ZNHIT6: variants seen among roughly 807,000 people sequenced by gnomAD.
ZNHIT6 encodes the protein box C/D snoRNA protein 1.
A neutral mutation model predicts 57.2 loss-of-function variants in ZNHIT6; 45 were observed. That is an observed-to-expected ratio of 0.79 (90% CI 0.62 to 1.01). The LOEUF (loss-of-function observed/expected upper bound fraction) is 1.01, where lower values mean the gene tolerates loss of function less well. Among genes scored for constraint, ZNHIT6 ranks in the 50% least tolerant of loss-of-function variants. The probability of loss-of-function intolerance (pLI) is 0.00; values close to 1 mark genes in which losing one functional copy is unlikely to be tolerated. For missense variants in ZNHIT6, 528 were observed against 567.3 expected (o/e 0.93, Z 0.70); for synonymous variants, 188 against 190.0 (o/e 0.99, Z 0.09).
chr1:85,686,542 T>G (rs1662042691), intron 5 of ZNHIT6, among the ~76,000 whole-genome samples: 1 of 152,132 alleles, frequency 6.6e-6, no homozygotes, highest in Non-Finnish European at 1.5e-5. Flanking sequence ...GTTCTTTTTT[T>G]TTTAATCACC....
intron 8 of ZNHIT6, 51 bp from the exon 9 acceptor site, chr1:85,658,022 A>C: frequency 1.6e-6 from 2 of 1,236,534 alleles, no homozygotes; most frequent in South Asian, 1.5e-5. Context: ...AATATTCAAA[A>C]TTACTAATAG....
Position 85,708,290 on chromosome 1 carries a change from C to T in ZNHIT6, c.-6G>A. On this transcript the variant is annotated 5_prime_UTR_variant, in exon 1 of 10. Coordinates refer to ENST00000370574, the MANE Select transcript of ZNHIT6 (RefSeq NM_017953.4). ...TTTTCAGCAGCAAACTCCATCAACT[C>T]ACGATCCTTGGCCTCTGCTGCCACT... 1 of 1,590,990 alleles carries T rather than the reference C, an allele frequency of 6.3e-7. No individual in the cohort carries two copies.
chr1:85,697,347 T>C (rs1169397997), intron 5 of ZNHIT6, among the ~76,000 whole-genome samples: 1 of 114,112 alleles, frequency 8.8e-6, no homozygotes, highest in African/African-American at 3.1e-5. Flanking sequence ...GGCTTCTGGA[T>C]GGGATGTTTC....
chr1:85,704,524 T>G (rs1662625153), intron 4 of ZNHIT6, among the ~76,000 whole-genome samples: 2 of 152,170 alleles, frequency 1.3e-5, no homozygotes, highest in South Asian at 4.1e-4. Flanking sequence ...GGGTGGTAGT[T>G]AAATGAATAT....
intron 5 of ZNHIT6, among the ~76,000 whole-genome samples, chr1:85,684,681 G>A (rs1445883552): frequency 6.6e-6 from 1 of 152,152 alleles, no homozygotes; most frequent in African/African-American, 2.4e-5. Context: ...AAACTGTTAA[G>A]GATCAGTCTC....
In ZNHIT6 at chr1:85,705,358, G is replaced by A. The variant is rs144054890; in HGVS notation, c.915+720C>T. On this transcript the variant is annotated intron_variant, in intron 4 of 9. Coordinates refer to ENST00000370574, the MANE Select transcript of ZNHIT6 (RefSeq NM_017953.4). ...GCTTCTCAAGTTGCTGGGAGTACAGGGGCACGCCACCACGCCTGGCTAATT... is the reference window on the plus strand; with the variant it reads ...GCTTCTCAAGTTGCTGGGAGTACAGAGGCACGCCACCACGCCTGGCTAATT... 9.3e-3 allele frequency among the ~76,000 whole-genome samples: 1,422 copies of A among 152,118 alleles called. 58 individuals carry two copies. The highest frequency in any genetic ancestry group is 0.063 in the Admixed American group (955 of 15,264).
At chr1:85,675,926 C>G (rs1424076550) in intron 8 of ZNHIT6, among the ~76,000 whole-genome samples, 1 of 152,170 alleles carries the variant, frequency 6.6e-6, no homozygotes, top group Non-Finnish European at 1.5e-5. Flanking sequence ...CCTCTCTCAG[C>G]CTTCATAGAG....
chr1:85,708,137 C>T lies in ZNHIT6; in HGVS notation c.148G>A (p.Gly50Arg). 6.2e-7 allele frequency: 1 copy of T among 1,614,182 alleles called. No individual in the cohort carries two copies. Among genetic ancestry groups the T allele is most frequent in the Non-Finnish European group, 8.5e-7 (1 of 1,180,036 alleles). ...EEFGGGEEGTGLTGIKEIGDG... is the reference protein window; with the variant it reads ...EEFGGGEEGTRLTGIKEIGDG... ...CCTATCTCCTTTATCCCTGTCAGCC[C>T]TGTCCCCTCCTCTCCGCCGCCGAAC... The change falls in exon 1 of 10, where the codon GGG becomes AGG. Residue 50 changes from glycine to arginine, a missense_variant. By Grantham distance (125) the Gly-to-Arg change is moderately radical. Transcript: ENST00000370574.
At position 85,707,920 on chromosome 1, in the gene ZNHIT6, T is replaced by C; in HGVS notation, c.365A>G (p.Asp122Gly). The C allele has an allele frequency of 6.2e-7, 1 of 1,613,834 alleles. No homozygotes were observed. Among genetic ancestry groups the C allele is most frequent in the Non-Finnish European group, 8.5e-7 (1 of 1,179,918 alleles). ...CGCTTCTTTTACCACTAAACTACTA[T>C]CCGTCTCCTGCTTCACCTCCAATAC... Reference protein sequence around the residue: ...AGVLEVKQETDSSLVVKEAKV... With the variant: ...AGVLEVKQETGSSLVVKEAKV... The change falls in exon 1 of 10, where the codon GAT becomes GGT. Residue 122 changes from aspartate to glycine, a missense_variant. By Grantham distance (94) the Asp-to-Gly change is moderately conservative. Coordinates refer to ENST00000370574, the MANE Select transcript of ZNHIT6 (RefSeq NM_017953.4).
At chr1:85,665,868 T>G (rs995001422) in intron 8 of ZNHIT6, among the ~76,000 whole-genome samples, 1 of 152,204 alleles carries the variant, frequency 6.6e-6, no homozygotes, top group South Asian at 2.1e-4. Context: ...TAGAATGGTA[T>G]TATTTTAGAG....
chr1:85,691,678 C>T (rs1570321863), intron 5 of ZNHIT6, among the ~76,000 whole-genome samples: 2 of 152,220 alleles, frequency 1.3e-5, no homozygotes, highest in African/African-American at 4.8e-5. Flanking sequence ...AGGCGGATCA[C>T]CTGAGGCCAG....
intron 5 of ZNHIT6, among the ~76,000 whole-genome samples, chr1:85,683,749 T>C (rs1055550228): frequency 5.3e-5 from 8 of 152,176 alleles, no homozygotes; most frequent in Non-Finnish European, 1.2e-4. Flanking sequence ...TGGATTACTT[T>C]CTAAAGCTAG....
At chr1:85,698,870 A>T (rs965475653) in intron 5 of ZNHIT6, among the ~76,000 whole-genome samples, 5 of 152,150 alleles carry the variant, frequency 3.3e-5, no homozygotes, top group African/African-American at 1.2e-4. Context: ...TGGAATATAC[A>T]GTAAATGTGG....
intron 8 of ZNHIT6, among the ~76,000 whole-genome samples, chr1:85,665,573 T>C (rs1661349357): frequency 6.6e-6 from 1 of 152,216 alleles, no homozygotes; most frequent in Non-Finnish European, 1.5e-5. Context: ...ATTTCAAGTA[T>C]ACAATACAGT....
At position 85,663,876 on chromosome 1, in the gene ZNHIT6, T is replaced by A. The variant is rs576758842; in HGVS notation, c.1248-5905A>T. Among the ~76,000 whole-genome samples the A allele has an allele frequency of 1.4e-3, 206 of 152,266 alleles. 1 individual carries two copies. Among genetic ancestry groups the A allele is most frequent in the African/African-American group, 4.8e-3 (198 of 41,570 alleles). ...CAATGTTGAATATAGGCCCCCAAACTCTCTGGCTTGTAAAGAGTTTCTGCT... is the reference window on the plus strand; with the variant it reads ...CAATGTTGAATATAGGCCCCCAAACACTCTGGCTTGTAAAGAGTTTCTGCT... On this transcript the variant is annotated intron_variant, in intron 8 of 9. Coordinates refer to ENST00000370574, the MANE Select transcript of ZNHIT6 (RefSeq NM_017953.4).
At position 85,657,912 on chromosome 1, in the gene ZNHIT6, ATG is replaced by A; in HGVS notation, c.1305_1306del (p.Ile436Ter). 1 of 1,601,244 alleles carries A rather than the reference ATG, an allele frequency of 6.2e-7. No individual in the cohort carries two copies. Among genetic ancestry groups the A allele is most frequent in the Non-Finnish European group, 8.5e-7 (1 of 1,170,848 alleles). Reference sequence around the variant, plus strand: ...TACCACATGTAATGTTGGATACTCAATGATCACTTTGTTCCTCAAATTGTCTA... The same window carrying A: ...TACCACATGTAATGTTGGATACTCAAATCACTTTGTTCCTCAAATTGTCTA... On this transcript the variant is annotated frameshift_variant, in exon 9 of 10. Transcript: ENST00000370574. LOFTEE classifies it high-confidence loss of function.
intron 5 of ZNHIT6, among the ~76,000 whole-genome samples, chr1:85,687,299 C>CAAAAAAAAAAAAAAAAAAAAAAAAAAAAA (rs55889012): frequency 1.3e-5 from 1 of 77,930 alleles, no homozygotes; most frequent in Non-Finnish European, 2.3e-5. Context: ...AAAAAAAAAA[C>CAAAAAAAAAAAAAAAAAAAAAAAAAAAAA]AAAAAAAAAA....
intron 5 of ZNHIT6, among the ~76,000 whole-genome samples, chr1:85,692,946 A>C (rs1447212900): frequency 6.6e-6 from 1 of 152,226 alleles, no homozygotes; most frequent in Non-Finnish European, 1.5e-5. Context: ...AACAGATTGA[A>C]GCTCTTAAAT....
chr1:85,660,080 CATT>C (rs1202996794), intron 8 of ZNHIT6, among the ~76,000 whole-genome samples: 1 of 151,944 alleles, frequency 6.6e-6, no homozygotes. Flanking sequence ...ATCTTTTAAA[CATT>C]ATTTCTCTTT....
Sources: allele counts gnomAD v4.1 joint callset (sites outside exome capture counted in the v4.1 genomes callset), GRCh38; gene constraint gnomAD v4.1.1; transcripts MANE v1.5; gene names NCBI Gene and HGNC (gene_info 2026-07-23, HGNC 2026-07-21).